The following CCDC138 variants were observed in gnomAD, a reference collection of about 807,000 sequenced individuals.
CCDC138 encodes the protein coiled-coil domain containing 138.
A neutral mutation model predicts 82.3 loss-of-function variants in CCDC138; 66 were observed. The observed-to-expected ratio is 0.80, with a 90% confidence interval of 0.66 to 0.98. CCDC138 has a LOEUF of 0.98. Ranked by LOEUF, CCDC138 falls within the 50% of genes least tolerant of loss-of-function variation. The pLI, the probability that CCDC138 is intolerant of heterozygous loss-of-function variation, is 0.00. For synonymous variants in CCDC138, 297 were observed against 265.4 expected (o/e 1.12, Z -1.16); for missense variants, 816 against 758.9 (o/e 1.08, Z -0.88).
intron 3 of CCDC138, among the ~76,000 whole-genome samples, chr2:108,790,947 AGAC>A (rs1275163181): frequency 1.3e-5 from 2 of 152,070 alleles, no homozygotes; most frequent in Admixed American, 6.6e-5. Flanking sequence ...CTTTTTGTAG[AGAC>A]AGAGTCTCAC....
At chr2:108,839,131 A>G in intron 10 of CCDC138, 54 bp from the exon 11 acceptor site, 1 of 1,516,208 alleles carries the variant, frequency 6.6e-7, no homozygotes, top group Admixed American at 2.2e-5. Flanking sequence ...AATTGATTTA[A>G]GACATTTAAA....
downstream of CCDC138, among the ~76,000 whole-genome samples, chr2:108,879,495 A>T (rs1696229519): frequency 6.6e-6 from 1 of 152,212 alleles, no homozygotes; most frequent in Admixed American, 6.5e-5. Context: ...AGTCTCAAAG[A>T]ATTATGGAGA....
At chr2:108,822,212 A>G (rs1295072802) in intron 10 of CCDC138, among the ~76,000 whole-genome samples, 4 of 152,208 alleles carry the variant, frequency 2.6e-5, no homozygotes, top group Non-Finnish European at 5.9e-5. Context: ...ACAAGAGACA[A>G]AGGACACTAT....
intron 6 of CCDC138, among the ~76,000 whole-genome samples, chr2:108,804,362 A>G (rs532285262): frequency 7.2e-5 from 11 of 152,204 alleles, no homozygotes; most frequent in Non-Finnish European, 1.6e-4. Flanking sequence ...GTTTGGGGCT[A>G]AGAAATTTTA....
At chr2:108,863,258 T>G (rs1239789272) in intron 13 of CCDC138, among the ~76,000 whole-genome samples, 1 of 152,206 alleles carries the variant, frequency 6.6e-6, no homozygotes, top group Non-Finnish European at 1.5e-5. Context: ...GATGCAATAT[T>G]TCTAACAAAG....
intron 13 of CCDC138, 140 bp from the exon 14 acceptor site, chr2:108,873,311 C>A: frequency 1.4e-6 from 1 of 714,898 alleles, no homozygotes; most frequent in Non-Finnish European, 2.0e-6. Context: ...ATGATATTTT[C>A]ACTCAAAAAT....
chr2:108,875,179 T>A (rs888319455), intron 14 of CCDC138, among the ~76,000 whole-genome samples: 2 of 151,096 alleles, frequency 1.3e-5, no homozygotes, highest in Non-Finnish European at 2.9e-5. Context: ...AGAGAGTTTG[T>A]CAAATAACTA....
chr2:108,787,238 G>C (rs970773397), intron 1 of CCDC138, among the ~76,000 whole-genome samples: 1 of 152,194 alleles, frequency 6.6e-6, no homozygotes, highest in Non-Finnish European at 1.5e-5. Flanking sequence ...TTTAAAAGCG[G>C]CTTATTTCGA....
At chr2:108,845,102 G>A (rs1690221925) in intron 11 of CCDC138, among the ~76,000 whole-genome samples, 1 of 151,846 alleles carries the variant, frequency 6.6e-6, no homozygotes, top group African/African-American at 2.4e-5. Context: ...TAAAGCATTA[G>A]AGATAATTTT....
intron 10 of CCDC138, among the ~76,000 whole-genome samples, chr2:108,835,338 A>G (rs1175704306): frequency 6.6e-6 from 1 of 152,164 alleles, no homozygotes; most frequent in Non-Finnish European, 1.5e-5. Flanking sequence ...GAAAATATTC[A>G]TCTCAGCCGT....
chr2:108,872,471 T>C (rs1695420122), intron 13 of CCDC138, among the ~76,000 whole-genome samples: 1 of 152,234 alleles, frequency 6.6e-6, no homozygotes, highest in Non-Finnish European at 1.5e-5. Flanking sequence ...AACCATTGTC[T>C]CCAGTGCTCC....
At chr2:108,798,355 G>A (rs1681256862) in intron 5 of CCDC138, 73 bp from the exon 6 acceptor site, 10 of 1,527,134 alleles carry the variant, frequency 6.5e-6, no homozygotes, top group South Asian at 3.8e-5. Flanking sequence ...AAACCACAGT[G>A]TCAGCCAATA....
intron 10 of CCDC138, among the ~76,000 whole-genome samples, chr2:108,832,081 G>A (rs554056364): frequency 2.0e-5 from 3 of 151,660 alleles, no homozygotes; most frequent in Non-Finnish European, 4.4e-5. Context: ...CCAGGCTGGA[G>A]TGCAGTGCTG....
At chr2:108,848,831 T>C (rs1397052884) in intron 12 of CCDC138, among the ~76,000 whole-genome samples, 2 of 152,178 alleles carry the variant, frequency 1.3e-5, no homozygotes, top group Admixed American at 6.5e-5. Flanking sequence ...TGAATCAAAA[T>C]TGGCACTTCA....
intron 10 of CCDC138, among the ~76,000 whole-genome samples, chr2:108,820,979 A>T (rs1685597553): frequency 1.3e-5 from 2 of 151,232 alleles, no homozygotes; most frequent in African/African-American, 4.9e-5. Context: ...ATGTAAGTTG[A>T]TTTTTAATTC....
At chr2:108,811,210 A>G (rs1333955930) in intron 7 of CCDC138, among the ~76,000 whole-genome samples, 2 of 95,002 alleles carry the variant, frequency 2.1e-5, no homozygotes, top group Admixed American at 2.4e-4. Flanking sequence ...TTCCCTTGCT[A>G]CTATTTCTTC....
chr2:108,881,191 G>A (rs1484265090), downstream of CCDC138, among the ~76,000 whole-genome samples: 7 of 152,188 alleles, frequency 4.6e-5, no homozygotes, highest in Non-Finnish European at 1.0e-4. Flanking sequence ...CCTCAGTCTT[G>A]TGGAGAACTT....
rs5833305 is a variant in CCDC138, at chr2:108,788,018, C to CTTT, written c.94-5_94-3dup. The CTTT allele has an allele frequency of 6.4e-5, 81 of 1,259,696 alleles. No homozygotes were observed. The highest frequency in any genetic ancestry group is 5.5e-4 in the South Asian group (38 of 69,402). The allele number at this position is 1,259,696 out of a possible 1,614,324, so 78.0% of individuals were successfully genotyped here. A position where few individuals can be genotyped will look rare whatever the true frequency, so the allele number is the denominator to read the frequency against. On this transcript the variant is annotated splice_polypyrimidine_tract_variant and intron_variant, in intron 1 of 14. Transcript: ENST00000295124. ...TTTTAGTATACAAATTAAATCTTTTCTTTTTTTTTTTAGTATGATTTTTCA... is the reference window on the plus strand; with the variant it reads ...TTTTAGTATACAAATTAAATCTTTTCTTTTTTTTTTTTTTAGTATGATTTTTCA...
chr2:108,875,489 G>T (rs1308795880), intron 14 of CCDC138, among the ~76,000 whole-genome samples: 1 of 152,028 alleles, frequency 6.6e-6, no homozygotes, highest in African/African-American at 2.4e-5. Flanking sequence ...TCAAATGTTT[G>T]TCTGTTTTGC....
Sources: gnomAD v4.1 joint callset for allele counts (sites outside exome capture counted in the v4.1 genomes callset) on GRCh38, gnomAD v4.1.1 for gene constraint, MANE v1.5 for transcripts, NCBI Gene and HGNC (gene_info 2026-07-23, HGNC 2026-07-21) for gene names.